Variants in RAP1B observed in about 807,000 individuals in gnomAD.
RAP1B encodes the protein RAP1B, member of RAS oncogene family.
In RAP1B, 1 loss-of-function variant was observed where a neutral mutation model predicts 27.5. The ratio of observed to expected loss-of-function variants is 0.04; its 90% CI spans 0.01 to 0.17. The LOEUF (loss-of-function observed/expected upper bound fraction) is 0.17, where lower values mean the gene tolerates loss of function less well. Ranked by LOEUF, RAP1B falls within the 10% of genes least tolerant of loss-of-function variation. The pLI is 1.00. For missense variants in RAP1B, 84 were observed against 214.8 expected, an observed-to-expected ratio of 0.39 and a Z score of 3.81; for synonymous variants, 75 against 73.1, an observed-to-expected ratio of 1.03 and a Z score of -0.13.
intron 1 of RAP1B, among the ~76,000 whole-genome samples, chr12:68,622,182 A>G (rs1871431623): frequency 6.6e-6 from 1 of 152,158 alleles, no homozygotes; most frequent in South Asian, 2.1e-4. Context: ...GTTGGACTAA[A>G]TGGCTGTTAA....
intron 5 of RAP1B, among the ~76,000 whole-genome samples, 193 bp from the exon 6 acceptor site, chr12:68,656,113 T>C (rs1030142861): frequency 4.6e-5 from 7 of 152,342 alleles, no homozygotes; most frequent in Admixed American, 3.9e-4. Context: ...GTGGAGATAA[T>C]TGACATCAAA....
rs558885571 is a variant in RAP1B, at chr12:68,648,795, A to T, written c.57+14A>T. ...AAGTCTGCTTTGGTAAGTCATTCTT[A>T]CTTTACCTAAGCCTTTCACTCCAAG... On this transcript the variant is annotated intron_variant, in intron 2 of 7. Coordinates refer to ENST00000250559, the MANE Select transcript of RAP1B (RefSeq NM_001010942.3). 7 of 1,603,798 alleles carry T rather than the reference A, an allele frequency of 4.4e-6. No homozygotes were observed. The highest frequency in any genetic ancestry group is 5.1e-6 in the Non-Finnish European group (6 of 1,176,052).
At chr12:68,635,885 A>AG (rs10666630) in intron 1 of RAP1B, among the ~76,000 whole-genome samples, 36 of 151,694 alleles carry the variant, frequency 2.4e-4, no homozygotes, top group Middle Eastern at 3.4e-3. Context: ...ATACCCATGA[A>AG]ATTTTTTTTT....
rs570604702 is a variant in RAP1B at position 68,659,397 on chromosome 12, A to G, written c.*148A>G. 26 of 418,704 alleles carry G rather than the reference A, an allele frequency of 6.2e-5. 2 individuals are homozygous for G. The highest frequency in any genetic ancestry group is 3.3e-4 in the South Asian group (19 of 58,390). 25.9% of individuals were successfully genotyped at this position (418,704 alleles called of 1,614,324 possible). On this transcript the variant is annotated 3_prime_UTR_variant, in exon 8 of 8. Coordinates refer to ENST00000250559, the MANE Select transcript of RAP1B (RefSeq NM_001010942.3). The stretch of plus-strand genomic sequence containing the variant: ...CTTTAAGAGGCGGATGAAAGCTACT[A>G]TATCAGTTTGCACATTCTAATCACT...
chr12:68,670,837 T>G lies in RAP1B; in HGVS notation c.*11588T>G, dbSNP rs1875058767. 2 of 152,118 alleles carry G rather than the reference T, an allele frequency of 1.3e-5. No individual in the cohort carries two copies. The highest frequency in any genetic ancestry group is 4.8e-5 in the African/African-American group (2 of 41,408). The allele number at this position is 152,118 out of a possible 1,614,324, so 9.4% of individuals were successfully genotyped here. On this transcript the variant is annotated 3_prime_UTR_variant, in exon 8 of 8. Coordinates refer to ENST00000250559, the MANE Select transcript of RAP1B (RefSeq NM_001010942.3). ...TGAGGTCAGGAGTTTGAGACTAGCC[T>G]GGCCAACGTGGAGAAACCCCATCTC...
At chr12:68,647,202 A>G (rs946450819) in intron 1 of RAP1B, among the ~76,000 whole-genome samples, 2 of 152,026 alleles carry the variant, frequency 1.3e-5, no homozygotes, top group African/African-American at 4.8e-5. Context: ...ACAGGCGTGT[A>G]CCACCACACC....
chr12:68,653,462 A>G (rs1462913315), intron 4 of RAP1B, among the ~76,000 whole-genome samples: 1 of 152,190 alleles, frequency 6.6e-6, no homozygotes, highest in Non-Finnish European at 1.5e-5. Flanking sequence ...ACAGAACTAC[A>G]GCATTTGAGT....
In RAP1B at chr12:68,656,455, G is replaced by A. The variant is rs141697489; in HGVS notation, c.468+6G>A. 0.012 allele frequency: 19,601 copies of A among 1,603,284 alleles called. 157 individuals carry two copies. The highest frequency in any genetic ancestry group is 0.019 in the South Asian group (1,748 of 90,808). On this transcript the variant is annotated splice_donor_region_variant and intron_variant, in intron 6 of 7. Transcript: ENST00000250559. ...CAAAAATAAATGTTAATGAGGTATG[G>A]TCAAATATACTTAAAATGGGTCTTC...
intron 1 of RAP1B, chr12:68,642,709 A>G: frequency 1.8e-6 from 2 of 1,135,056 alleles, no homozygotes. Context: ...AAGATTTCAC[A>G]TCTTTTTCTT....
intron 1 of RAP1B, among the ~76,000 whole-genome samples, chr12:68,631,986 T>C (rs997030768): frequency 6.6e-6 from 1 of 152,078 alleles, no homozygotes; most frequent in African/African-American, 2.4e-5. Flanking sequence ...ACCTGGACCG[T>C]TGGTCACTCT....
Position 68,663,793 on chromosome 12 carries a change from C to T in RAP1B, c.*4544C>T, listed in dbSNP as rs971665884. 1.3e-5 allele frequency: 2 copies of T among 152,100 alleles called. No individual in the cohort carries two copies. The highest frequency in any genetic ancestry group is 4.8e-5 in the African/African-American group (2 of 41,406). The allele number at this position is 152,100 out of a possible 1,614,324, so 9.4% of individuals were successfully genotyped here. A position where few individuals can be genotyped will look rare whatever the true frequency, so the allele number is the denominator to read the frequency against. ...TCAGTATTCTCTACCGTGTTTCAGG[C>T]GCTGTTTACAATATCGGAGGTACAG... On this transcript the variant is annotated 3_prime_UTR_variant, in exon 8 of 8. Coordinates refer to ENST00000250559, the MANE Select transcript of RAP1B (RefSeq NM_001010942.3).
chr12:68,628,419 G>C (rs568700044), intron 1 of RAP1B, among the ~76,000 whole-genome samples: 6 of 152,232 alleles, frequency 3.9e-5, no homozygotes, highest in African/African-American at 7.2e-5. Context: ...TCATTCTCTA[G>C]TTTTCCACAG....
Position 68,664,379 on chromosome 12 carries a change from T to A in RAP1B, c.*5130T>A, listed in dbSNP as rs1304170484. The A allele has an allele frequency of 6.6e-6, 1 of 152,018 alleles. No homozygotes were observed. Among genetic ancestry groups the A allele is most frequent in the Non-Finnish European group, 1.5e-5 (1 of 68,004 alleles). 9.4% of individuals were successfully genotyped at this position (152,018 alleles called of 1,614,324 possible). A position where few individuals can be genotyped will look rare whatever the true frequency, so the allele number is the denominator to read the frequency against. On this transcript the variant is annotated 3_prime_UTR_variant, in exon 8 of 8. Transcript: ENST00000250559. ...ACTCTTTAATGTGCAGTGCAGTAGG[T>A]TTGGAGCAGAGGGGAGTAGGAAGGA...
At chr12:68,616,985 A>G (rs1871074307) in intron 1 of RAP1B, among the ~76,000 whole-genome samples, 1 of 152,210 alleles carries the variant, frequency 6.6e-6, no homozygotes. Context: ...GATGAAAGGA[A>G]ACATGTTTTG....
chr12:68,637,168 C>A (rs186894867), intron 1 of RAP1B, among the ~76,000 whole-genome samples: 1 of 152,026 alleles, frequency 6.6e-6, no homozygotes, highest in African/African-American at 2.4e-5. Context: ...TAGTGGGTAC[C>A]AAAATAAGTA....
At chr12:68,644,686 CTTT>C (rs535569981) in intron 1 of RAP1B, among the ~76,000 whole-genome samples, 8 of 109,108 alleles carry the variant, frequency 7.3e-5, no homozygotes, top group South Asian at 7.4e-4. Context: ...TTAAAAGTTA[CTTT>C]TTTTTTTTTT....
chr12:68,633,103 T>G (rs1872382118), intron 1 of RAP1B, among the ~76,000 whole-genome samples: 1 of 152,230 alleles, frequency 6.6e-6, no homozygotes, highest in Non-Finnish European at 1.5e-5. Context: ...CCTATTTCTA[T>G]TTCTCATAAG....
intron 1 of RAP1B, among the ~76,000 whole-genome samples, chr12:68,633,453 AAC>A (rs1319986452): frequency 6.6e-6 from 1 of 152,242 alleles, no homozygotes; most frequent in Non-Finnish European, 1.5e-5. Flanking sequence ...ATTGTGAGCT[AAC>A]ACAGCGCAAA....
chr12:68,640,279 T>C (rs1294539863), intron 1 of RAP1B, among the ~76,000 whole-genome samples: 1 of 152,168 alleles, frequency 6.6e-6, no homozygotes, highest in Non-Finnish European at 1.5e-5. Flanking sequence ...AAGTTCTTCA[T>C]AACCACCCCA....
Sources: allele counts gnomAD v4.1 joint callset (sites outside exome capture counted in the v4.1 genomes callset), GRCh38; gene constraint gnomAD v4.1.1; transcripts MANE v1.5; gene names NCBI Gene and HGNC (gene_info 2026-07-23, HGNC 2026-07-21).